The following HNF1A variants were observed in gnomAD, a reference collection of about 807,000 sequenced individuals.
HNF1A encodes HNF1 homeobox A.
HNF1A carries 21 observed loss-of-function variants against 62.2 expected under a neutral mutation model. That is an observed-to-expected ratio of 0.34 (90% CI 0.24 to 0.49). The LOEUF is 0.49. Ranked by LOEUF, HNF1A falls within the 20% of genes least tolerant of loss-of-function variation. The pLI is 0.99. For synonymous variants in HNF1A, 374 were observed against 366.8 expected (o/e 1.02, Z -0.22); for missense variants, 687 against 832.3 (o/e 0.83, Z 2.15).
chr12:120,987,626 A>T (rs1264160046), intron 1 of HNF1A, among the ~76,000 whole-genome samples: 1 of 151,830 alleles, frequency 6.6e-6, no homozygotes, highest in East Asian at 1.9e-4. Context: ...ATATATATAC[A>T]GAGAGAGAGA....
chr12:120,985,589 T>C (rs1876470524), intron 1 of HNF1A, among the ~76,000 whole-genome samples: 1 of 151,982 alleles, frequency 6.6e-6, no homozygotes, highest in Non-Finnish European at 1.5e-5. Flanking sequence ...GGAGAACCAA[T>C]TGAGCCCAGG....
At chr12:120,982,288 T>C (rs1876291826) in intron 1 of HNF1A, among the ~76,000 whole-genome samples, 2 of 152,178 alleles carry the variant, frequency 1.3e-5, no homozygotes, top group Non-Finnish European at 2.9e-5. Context: ...CAGGCTGGTC[T>C]CAAACTCCTG....
intron 1 of HNF1A, among the ~76,000 whole-genome samples, chr12:120,988,286 A>G (rs975707657): frequency 7.3e-6 from 1 of 136,140 alleles, no homozygotes; most frequent in Non-Finnish European, 1.6e-5. Context: ...CAATCCATCC[A>G]TCCATTCATC....
At chr12:120,997,734 AG>A in intron 7 of HNF1A, 69 bp downstream of exon 7, 1 of 1,489,252 alleles carries the variant, frequency 6.7e-7, no homozygotes, top group Non-Finnish European at 9.2e-7. Flanking sequence ...TGCAGGGGAA[AG>A]GGGTGCCTGG....
At chr12:120,993,264 T>G (rs568268182) in intron 2 of HNF1A, among the ~76,000 whole-genome samples, 2 of 152,176 alleles carry the variant, frequency 1.3e-5, no homozygotes, top group African/African-American at 2.4e-5. Flanking sequence ...AGAAGGATGG[T>G]GAGATCATAT....
chr12:120,982,885 G>C (rs1038405967), intron 1 of HNF1A, among the ~76,000 whole-genome samples: 5 of 152,122 alleles, frequency 3.3e-5, no homozygotes, highest in African/African-American at 1.2e-4. Context: ...CTTCCATACA[G>C]TGCTTTGGAG....
In HNF1A at chr12:120,996,402, G is replaced by A. The variant is rs2135845441; in HGVS notation, c.1096G>A (p.Glu366Lys). 1 of 1,614,172 alleles carries A rather than the reference G, an allele frequency of 6.2e-7. No homozygotes were observed. Among genetic ancestry groups the A allele is most frequent in the Non-Finnish European group, 8.5e-7 (1 of 1,180,028 alleles). The change falls in exon 5 of 10, where the codon GAA (glutamate) becomes AAA (lysine). Residue 366 changes from glutamate (E) to lysine (K), a missense_variant. Glu to Lys is a moderately conservative substitution (Grantham distance 56). Transcript: ENST00000257555. The surrounding 1 kb of genome is among the most constrained non-coding windows in gnomAD (Gnocchi z 4.5). ...GCCCAGCCACAGCCTGCTGAGTACA[G>A]AAGCCAAGCTGGTGAGTGTCCTTGC... The part of the protein sequence containing the change: ...LEPSHSLLST[E>K]AKLVSAAGGP...
chr12:120,992,865 C>CCTG (rs148573184), intron 2 of HNF1A, among the ~76,000 whole-genome samples: 6 of 152,060 alleles, frequency 3.9e-5, no homozygotes, highest in Non-Finnish European at 7.4e-5. Flanking sequence ...TGGTGAGGGC[C>CCTG]CTGCTGCTGC....
chr12:120,986,796 C>T (rs143725726), intron 1 of HNF1A, among the ~76,000 whole-genome samples: 87 of 152,222 alleles, frequency 5.7e-4, no homozygotes, highest in Middle Eastern at 6.8e-3. Flanking sequence ...TCCATGTTGG[C>T]CAGGCTGGTC....
chr12:120,978,894 C>T lies in HNF1A; in HGVS notation c.126C>T (p.Gly42=), dbSNP rs778321377. Residue 42 remains glycine (G), a synonymous_variant, in exon 1 of 10, where the codon GGC becomes GGT. Transcript: ENST00000257555. The part of the protein sequence containing the change: ...EPGPYLLAGE[G]PLDKGESCGG... ...GGCCCTACCTCCTGGCTGGAGAAGGCCCCCTGGACAAGGGGGAGTCCTGCG... is the reference window on the plus strand; with the variant it reads ...GGCCCTACCTCCTGGCTGGAGAAGGTCCCCTGGACAAGGGGGAGTCCTGCG... The T allele has an allele frequency of 1.1e-5, 17 of 1,613,076 alleles. No individual in the cohort carries two copies. The highest frequency in any genetic ancestry group is 2.7e-5 in the African/African-American group (2 of 74,910).
chr12:120,989,005 G>C lies in HNF1A; in HGVS notation c.499G>C (p.Val167Leu), dbSNP rs371759652. ...QKRAALYTWYVRKQREVAQQF... is the reference protein window; with the variant it reads ...QKRAALYTWYLRKQREVAQQF... ...GCGGGCCGCCCTGTACACCTGGTAC[G>C]TCCGCAAGCAGCGAGAGGTGGCGCA... The change falls in exon 2 of 10, where the codon GTC (valine) becomes CTC (leucine). Residue 167 changes from valine (V) to leucine (L), a missense_variant. Physicochemically the swap from Val to Leu is conservative, Grantham distance 32. Coordinates refer to ENST00000257555, the MANE Select transcript of HNF1A (RefSeq NM_000545.8). 1.2e-5 allele frequency: 20 copies of C among 1,614,214 alleles called. No individual in the cohort carries two copies. Among genetic ancestry groups the C allele is most frequent in the Non-Finnish European group, 1.4e-5 (16 of 1,180,042 alleles).
chr12:120,980,124 TC>T (rs1396100857), intron 1 of HNF1A, among the ~76,000 whole-genome samples: 1 of 151,974 alleles, frequency 6.6e-6, no homozygotes, highest in Non-Finnish European at 1.5e-5. Context: ...TGGTGAGGAG[TC>T]CTGGGCAGAA....
rs2135819824 is a variant in HNF1A at position 120,978,926 on chromosome 12, G to A, written c.158G>A (p.Gly53Asp). The change falls in exon 1 of 10, where the codon GGT (glycine) becomes GAT (aspartate). Residue 53 changes from glycine (G) to aspartate (D), a missense_variant. This residue lies in a region of HNF1A where 159 missense variants were observed against 154.4 expected (regional missense o/e 1.03). Transcript: ENST00000257555. Reference sequence around the variant, plus strand: ...GACAAGGGGGAGTCCTGCGGCGGCGGTCGAGGGGAGCTGGCTGAGCTGCCC... The same window carrying A: ...GACAAGGGGGAGTCCTGCGGCGGCGATCGAGGGGAGCTGGCTGAGCTGCCC... ...PLDKGESCGGGRGELAELPNG... is the reference protein window; with the variant it reads ...PLDKGESCGGDRGELAELPNG... 6.2e-7 allele frequency: 1 copy of A among 1,610,814 alleles called. No individual in the cohort carries two copies.
At chr12:120,991,468 C>G (rs1247216985) in intron 2 of HNF1A, among the ~76,000 whole-genome samples, 1 of 152,194 alleles carries the variant, frequency 6.6e-6, no homozygotes, top group African/African-American at 2.4e-5. Flanking sequence ...GTGGCGCATG[C>G]CTGTAATCCC....
chr12:120,994,496 C>T (rs55783344), intron 4 of HNF1A, 91 bp downstream of exon 4: 34,090 of 1,452,950 alleles, frequency 0.023, 1,323 homozygotes, highest in East Asian at 0.18. Flanking sequence ...AACCTCTTTG[C>T]ACTTCAGTTT....
In HNF1A at chr12:120,993,786, C is replaced by T. The variant is rs573918752; in HGVS notation, c.713+80C>T. The T allele has an allele frequency of 2.3e-5, 32 of 1,407,302 alleles. No individual in the cohort carries two copies. The South Asian group carries it at 3.7e-4, about 16-fold the overall frequency. 87.2% of individuals were successfully genotyped at this position (1,407,302 alleles called of 1,614,324 possible). On this transcript the variant is annotated intron_variant, in intron 3 of 9. Coordinates refer to ENST00000257555, the MANE Select transcript of HNF1A (RefSeq NM_000545.8). ...GGGAAGGGGAAGGTGACTCTAGGTC[C>T]TGTAAAAGGCTGTCCAGTTGCCGAG...
chr12:120,987,336 G>T (rs564212438), intron 1 of HNF1A, among the ~76,000 whole-genome samples: 1 of 151,870 alleles, frequency 6.6e-6, no homozygotes, highest in South Asian at 2.1e-4. Flanking sequence ...TTAGCCGGGC[G>T]TGGTGGCGGG....
chr12:120,983,916 C>CTGTGTGTGTATGTG (rs1555210824), intron 1 of HNF1A, among the ~76,000 whole-genome samples: 2 of 137,278 alleles, frequency 1.5e-5, no homozygotes, highest in African/African-American at 5.7e-5. Context: ...CTTGAAGACT[C>CTGTGTGTGTATGTG]TGTGTGTGTG....
intron 4 of HNF1A, among the ~76,000 whole-genome samples, chr12:120,995,905 G>A (rs1877075543): frequency 1.3e-5 from 2 of 152,108 alleles, no homozygotes; most frequent in African/African-American, 2.4e-5. Context: ...GTTGATTTGG[G>A]TTAATTCAAT....
Sources: gnomAD v4.1 joint callset for allele counts (sites outside exome capture counted in the v4.1 genomes callset) on GRCh38, gnomAD v4.1.1 for gene constraint, gnomAD v4.1.1 regional missense constraint, Gnocchi (gnomAD v3.1) non-coding constraint, MANE v1.5 for transcripts, NCBI Gene and HGNC (gene_info 2026-07-23, HGNC 2026-07-21) for gene names.